APOL1: variants seen among roughly 807,000 people sequenced by gnomAD.
The protein encoded by APOL1 is apolipoprotein L 1.
APOL1 carries 17 observed loss-of-function variants against 14.9 expected under a neutral mutation model. The observed-to-expected ratio is 1.14, with a 90% CI of 0.78 to 1.71. The LOEUF is 1.71. APOL1 is among the 40% of genes most tolerant of loss of function. APOL1 has a pLI of 0.00. For missense variants in APOL1, 523 were observed against 485.9 expected (o/e 1.08, Z -0.72); for synonymous variants, 195 against 184.8 (o/e 1.05, Z -0.45).
In APOL1 at chr22:36,262,413, A is replaced by C. The variant is rs111460287; in HGVS notation, c.314+691A>C. Among the ~76,000 whole-genome samples the C allele has an allele frequency of 2.1e-3, 317 of 152,292 alleles. 2 individuals are homozygous for C. Among genetic ancestry groups the C allele is most frequent in the African/African-American group, 7.1e-3 (294 of 41,560 alleles). On this transcript the variant is annotated intron_variant, in intron 5 of 5. Coordinates refer to ENST00000397278, the MANE Select transcript of APOL1 (RefSeq NM_003661.4). ...GACTGGAAACTGTCATCAGTCTAAT[A>C]GGAATAGCAACTCAATGTGATAGGA...
At chr22:36,259,812 C>A (rs2146303012) in intron 4 of APOL1, 1 of 1,304,282 alleles carries the variant, frequency 7.7e-7, no homozygotes, top group African/African-American at 1.5e-5. Context: ...CTCCACTGCC[C>A]ATCTGAGAGT....
chr22:36,264,526 T>G (rs1037049279), intron 5 of APOL1, among the ~76,000 whole-genome samples: 3 of 152,102 alleles, frequency 2.0e-5, no homozygotes, highest in African/African-American at 7.2e-5. Context: ...GAGTTTTCCC[T>G]CTCCAAACAC....
In APOL1 at chr22:36,266,897, T is replaced by C. The variant is rs796299104; in HGVS notation, c.*864T>C. 3.1e-4 allele frequency: 52 copies of C among 169,006 alleles called. No individual in the cohort carries two copies. Among genetic ancestry groups the C allele is most frequent in the African/African-American group, 1.4e-3 (46 of 33,432 alleles). The allele number at this position is 169,006 out of a possible 1,614,324, so 10.5% of individuals were successfully genotyped here. A position where few individuals can be genotyped will look rare whatever the true frequency, so the allele number is the denominator to read the frequency against. On this transcript the variant is annotated 3_prime_UTR_variant, in exon 6 of 6. Coordinates refer to ENST00000397278, the MANE Select transcript of APOL1 (RefSeq NM_003661.4). ...TCCAGCCTGGGTGACAGAGCGAGAC[T>C]CCATCTCAAAAAAAAAAAAAAAAAG...
intron 5 of APOL1, among the ~76,000 whole-genome samples, chr22:36,262,266 TAAAC>T (rs2016100029): frequency 6.6e-6 from 1 of 152,164 alleles, no homozygotes; most frequent in Non-Finnish European, 1.5e-5. Flanking sequence ...AGGAATTCCA[TAAAC>T]ACGGCAGGAC....
intron 5 of APOL1, among the ~76,000 whole-genome samples, chr22:36,264,256 G>T (rs1319135369): frequency 6.6e-6 from 1 of 152,074 alleles, no homozygotes; most frequent in Non-Finnish European, 1.5e-5. Flanking sequence ...TTTAGTCCCC[G>T]GGTCCTCTGG....
chr22:36,265,110 C>T (rs2016193058), intron 5 of APOL1, 41 bp from the exon 6 acceptor site: 1 of 1,608,782 alleles, frequency 6.2e-7, no homozygotes, highest in Admixed American at 1.7e-5. Context: ...CACACCGAGC[C>T]AAAACTGCAT....
chr22:36,259,067 A>T (rs1007729968), intron 4 of APOL1, among the ~76,000 whole-genome samples: 1 of 152,142 alleles, frequency 6.6e-6, no homozygotes, highest in African/African-American at 2.4e-5. Flanking sequence ...ACCTCCCAGT[A>T]TCCACATCTC....
chr22:36,261,931 A>G (rs2016089475), intron 5 of APOL1, among the ~76,000 whole-genome samples: 1 of 152,236 alleles, frequency 6.6e-6, no homozygotes, highest in African/African-American at 2.4e-5. Context: ...GGAAGCCCAC[A>G]GGAACAGGGT....
At chr22:36,254,191 C>T (rs759520281) in intron 1 of APOL1, among the ~76,000 whole-genome samples, 15 of 151,884 alleles carry the variant, frequency 9.9e-5, no homozygotes, top group South Asian at 2.1e-4. Context: ...TGAGTATTTT[C>T]CCCTGTAAAA....
chr22:36,257,708 G>C, intron 4 of APOL1: 1 of 394,394 alleles, frequency 2.5e-6, no homozygotes, highest in Non-Finnish European at 4.7e-6. Context: ...GGGGGGGGGG[G>C]GAGTGTGGGG....
chr22:36,253,529 G>A (rs186805520), intron 1 of APOL1, among the ~76,000 whole-genome samples: 239 of 152,336 alleles, frequency 1.6e-3, no homozygotes, highest in Middle Eastern at 0.01. Flanking sequence ...AAATTTGAAG[G>A]AACCAAAGAA....
Position 36,266,777 on chromosome 22 carries a change from C to G in APOL1, c.*744C>G. 3.2e-6 allele frequency: 1 copy of G among 316,512 alleles called. No individual in the cohort carries two copies. Among genetic ancestry groups the G allele is most frequent in the Middle Eastern group, 8.6e-4 (1 of 1,166 alleles). 19.6% of individuals were successfully genotyped at this position (316,512 alleles called of 1,614,324 possible). On this transcript the variant is annotated 3_prime_UTR_variant, in exon 6 of 6. Coordinates refer to ENST00000397278, the MANE Select transcript of APOL1 (RefSeq NM_003661.4). ...AAAATTAGCCGGGCATGGTGGCGGG[C>G]GCCTGTAGTTCCAGCTAACTGGGCG...
rs1200098351 is a variant in APOL1, at chr22:36,265,329, G to A, written c.493G>A (p.Val165Ile). 1.2e-6 allele frequency: 2 copies of A among 1,612,232 alleles called. No homozygotes were observed. Among genetic ancestry groups the A allele is most frequent in the Non-Finnish European group, 1.7e-6 (2 of 1,179,086 alleles). ...AAGGCTCCGTGCCCTTGCAGATGGGGTTCAGAAGGTCCACAAAGGCACCAC... is the reference window on the plus strand; with the variant it reads ...AAGGCTCCGTGCCCTTGCAGATGGGATTCAGAAGGTCCACAAAGGCACCAC... ...IRRLRALADGVQKVHKGTTIA... is the reference protein window; with the variant it reads ...IRRLRALADGIQKVHKGTTIA... Residue 165 changes from valine (V) to isoleucine (I), a missense_variant, in exon 6 of 6, where the codon GTT becomes ATT. Transcript: ENST00000397278.
Position 36,266,891 on chromosome 22 carries a change from C to A in APOL1, c.*858C>A, listed in dbSNP as rs1202699045. The A allele has an allele frequency of 2.7e-5, 5 of 186,702 alleles. No homozygotes were observed. Among genetic ancestry groups the A allele is most frequent in the Non-Finnish European group, 4.1e-5 (4 of 97,024 alleles). The allele number at this position is 186,702 out of a possible 1,614,324, so 11.6% of individuals were successfully genotyped here. On this transcript the variant is annotated 3_prime_UTR_variant, in exon 6 of 6. Coordinates refer to ENST00000397278, the MANE Select transcript of APOL1 (RefSeq NM_003661.4). ...CTGCACTCCAGCCTGGGTGACAGAGCGAGACTCCATCTCAAAAAAAAAAAA... is the reference window on the plus strand; with the variant it reads ...CTGCACTCCAGCCTGGGTGACAGAGAGAGACTCCATCTCAAAAAAAAAAAA...
At chr22:36,255,204 T>A (rs572420987) in intron 2 of APOL1, among the ~76,000 whole-genome samples, 144 of 152,336 alleles carry the variant, frequency 9.5e-4, no homozygotes, top group African/African-American at 3.3e-3. Flanking sequence ...GGCCTCAATA[T>A]TCAGCAGAGG....
chr22:36,265,613 T>C lies in APOL1; in HGVS notation c.777T>C (p.Gly259=). 1 of 1,596,858 alleles carries C rather than the reference T, an allele frequency of 6.3e-7. No homozygotes were observed. Among genetic ancestry groups the C allele is most frequent in the Non-Finnish European group, 8.5e-7 (1 of 1,171,740 alleles). The part of the protein sequence containing the change: ...DKLKEVREFL[G]ENISNFLSLA... ...TGAAGGAGGTGAGGGAGTTTTTGGG[T>C]GAGAACATATCCAACTTTCTTTCCT... Residue 259 remains glycine (G), a synonymous_variant, in exon 6 of 6, where the codon GGT becomes GGC. Coordinates refer to ENST00000397278, the MANE Select transcript of APOL1 (RefSeq NM_003661.4).
At chr22:36,264,445 T>C in intron 5 of APOL1, among the ~76,000 whole-genome samples, 1 of 152,210 alleles carries the variant, frequency 6.6e-6, no homozygotes, top group Non-Finnish European at 1.5e-5. Context: ...GTAAAGTTCA[T>C]GCTTCACTTT....
chr22:36,257,158 A>T (rs1396853954), intron 3 of APOL1, 22 bp downstream of exon 3: 23 of 1,614,108 alleles, frequency 1.4e-5, no homozygotes, highest in Non-Finnish European at 1.9e-5. Context: ...CAAATAGCAG[A>T]TGATGGGGGC....
intron 5 of APOL1, among the ~76,000 whole-genome samples, chr22:36,264,620 T>C (rs2016173673): frequency 6.6e-6 from 1 of 152,194 alleles, no homozygotes. Context: ...CTGAGATGCC[T>C]TTAAGATATT....
Sources: gnomAD v4.1 joint callset for allele counts (sites outside exome capture counted in the v4.1 genomes callset) on GRCh38, gnomAD v4.1.1 for gene constraint, MANE v1.5 for transcripts, NCBI Gene and HGNC (gene_info 2026-07-23, HGNC 2026-07-21) for gene names.